The following SH3KBP1 variants were observed in gnomAD, a reference collection of about 807,000 sequenced individuals.
SH3KBP1 encodes SH3 domain containing kinase binding protein 1, also known as SH3 domain-containing kinase-binding protein 1.
A neutral mutation model predicts 50.1 loss-of-function variants in SH3KBP1; 8 were observed. The observed-to-expected ratio is 0.16, with a 90% CI of 0.09 to 0.29. SH3KBP1 has a LOEUF of 0.29. Ranked by LOEUF, SH3KBP1 falls within the 10% of genes least tolerant of loss-of-function variation. SH3KBP1 has a pLI of 1.00. For missense variants in SH3KBP1, 377 were observed against 535.2 expected (o/e 0.70, Z 2.92); for synonymous variants, 227 against 218.6 (o/e 1.04, Z -0.34).
intron 2 of SH3KBP1, among the ~76,000 whole-genome samples, chrX:19,825,323 C>T (rs2067642842): frequency 8.9e-6 from 1 of 111,870 alleles, no homozygotes; most frequent in African/African-American, 3.3e-5. Flanking sequence ...AAGTTAAATA[C>T]CATGATTCCA....
chrX:19,801,151 A>G (rs192224933), intron 2 of SH3KBP1, among the ~76,000 whole-genome samples: 2 of 112,099 alleles, frequency 1.8e-5, no homozygotes, highest in Non-Finnish European at 3.8e-5. Context: ...ACTGCAAGAA[A>G]TAACTCCTCC....
chrX:19,641,097 G>C (rs1413429894), intron 7 of SH3KBP1, among the ~76,000 whole-genome samples: 1 of 111,732 alleles, frequency 8.9e-6, no homozygotes, highest in Non-Finnish European at 1.9e-5. Flanking sequence ...TGCTTTGTTT[G>C]TGCGTTTTGT....
At chrX:19,719,965 C>T (rs1007226238) in intron 3 of SH3KBP1, among the ~76,000 whole-genome samples, 1 of 109,707 alleles carries the variant, frequency 9.1e-6, no homozygotes, top group Admixed American at 9.8e-5. Flanking sequence ...GCAACCCCTG[C>T]GTGGCTCTCT....
At chrX:19,712,992 G>A (rs1029692033) in intron 3 of SH3KBP1, among the ~76,000 whole-genome samples, 1 of 111,343 alleles carries the variant, frequency 9.0e-6, no homozygotes, top group South Asian at 3.8e-4. Context: ...GGGAGGCTGA[G>A]GCAGGAGGAT....
At chrX:19,845,175 T>C (rs750417241) in intron 1 of SH3KBP1, among the ~76,000 whole-genome samples, 2 of 109,416 alleles carry the variant, frequency 1.8e-5, no homozygotes, top group African/African-American at 3.3e-5. Flanking sequence ...AGTGGGCAGG[T>C]GACTTTGCAG....
chrX:19,584,951 C>G (rs956556313), intron 12 of SH3KBP1, among the ~76,000 whole-genome samples: 2 of 111,906 alleles, frequency 1.8e-5, no homozygotes, highest in African/African-American at 6.5e-5. Flanking sequence ...TGGGTTCACA[C>G]AGAACACAAT....
At chrX:19,721,490 G>C (rs1443136559) in intron 3 of SH3KBP1, among the ~76,000 whole-genome samples, 1 of 111,963 alleles carries the variant, frequency 8.9e-6, no homozygotes, top group African/African-American at 3.3e-5. Flanking sequence ...CCCACTGCTG[G>C]ATGTTGCTAT....
At chrX:19,537,907 CATT>C (rs1236552003) in intron 16 of SH3KBP1, 127 bp from the exon 17 acceptor site, 5 of 569,420 alleles carry the variant, frequency 8.8e-6, no homozygotes, top group Non-Finnish European at 1.5e-5. Flanking sequence ...GACAACACAT[CATT>C]ATTTTCTTTG....
At chrX:19,636,079 A>G (rs1451438824) in intron 7 of SH3KBP1, among the ~76,000 whole-genome samples, 1 of 110,581 alleles carries the variant, frequency 9.0e-6, no homozygotes, top group Non-Finnish European at 1.9e-5. Flanking sequence ...GGCATTTTCC[A>G]TCTATTCATC....
chrX:19,860,582 T>C (rs2068754959), intron 1 of SH3KBP1, among the ~76,000 whole-genome samples: 1 of 112,043 alleles, frequency 8.9e-6, no homozygotes, highest in Non-Finnish European at 1.9e-5. Flanking sequence ...TGCCACTGAA[T>C]TGTACACTTA....
At chrX:19,570,838 C>T (rs1419102074) in intron 12 of SH3KBP1, among the ~76,000 whole-genome samples, 1 of 111,533 alleles carries the variant, frequency 9.0e-6, no homozygotes, top group Non-Finnish European at 1.9e-5. Flanking sequence ...CGCCTGTGGT[C>T]CCAGCTACTT....
chrX:19,570,535 C>T (rs1362809358), intron 12 of SH3KBP1, among the ~76,000 whole-genome samples: 1 of 111,174 alleles, frequency 9.0e-6, no homozygotes, highest in Non-Finnish European at 1.9e-5. Context: ...GTCTGGGAGG[C>T]AATGAGGGGC....
At chrX:19,722,436 C>A (rs2148726879) in intron 3 of SH3KBP1, among the ~76,000 whole-genome samples, 1 of 111,339 alleles carries the variant, frequency 9.0e-6, no homozygotes, top group African/African-American at 3.3e-5. Context: ...TACAAGTTTC[C>A]CCCTATCCTT....
chrX:19,679,447 C>G (rs1225530137), intron 6 of SH3KBP1, among the ~76,000 whole-genome samples: 1 of 111,879 alleles, frequency 8.9e-6, no homozygotes, highest in African/African-American at 3.3e-5. Context: ...CAGCTGAGGC[C>G]AACTTCATCG....
At chrX:19,816,558 A>G (rs1235752125) in intron 2 of SH3KBP1, among the ~76,000 whole-genome samples, 1 of 111,936 alleles carries the variant, frequency 8.9e-6, no homozygotes, top group Non-Finnish European at 1.9e-5. Context: ...TTGTAATCCC[A>G]GTACTTTGGG....
rs1320881811 is a variant in SH3KBP1 at position 19,835,754 on chromosome X, T to C, written c.162+371A>G. 6.7e-5 allele frequency among the ~76,000 whole-genome samples: 7 copies of C among 105,128 alleles called. No individual in the cohort carries two copies. The Admixed American group carries it at 7.2e-4, about 11-fold the overall frequency. The allele number at this position is 105,128 out of a possible 115,157, so 91.3% of individuals were successfully genotyped here. ...CCACCACACCTGGCTAATTTTTGTA[T>C]TTTTTTTTTAGTAGAGATGGGGTTT... On this transcript the variant is annotated intron_variant, in intron 2 of 17. Coordinates refer to ENST00000397821, the MANE Select transcript of SH3KBP1 (RefSeq NM_031892.3).
intron 6 of SH3KBP1, among the ~76,000 whole-genome samples, chrX:19,650,542 TG>T (rs200648032): frequency 0.14 from 15,716 of 110,912 alleles, 896 homozygotes; most frequent in African/African-American, 0.16. Context: ...CCCCAACACA[TG>T]GGGATTACAA....
At chrX:19,557,843 G>A (rs1239294425) in intron 13 of SH3KBP1, among the ~76,000 whole-genome samples, 1 of 111,944 alleles carries the variant, frequency 8.9e-6, no homozygotes, top group African/African-American at 3.3e-5. Context: ...AGGGAGACAG[G>A]CTTTTGTATG....
intron 5 of SH3KBP1, among the ~76,000 whole-genome samples, chrX:19,688,307 A>C (rs1189635654): frequency 9.0e-6 from 1 of 111,684 alleles, no homozygotes. Flanking sequence ...TTTGAAACCA[A>C]CAGTGGCATC....
Sources: allele counts gnomAD v4.1 joint callset (sites outside exome capture counted in the v4.1 genomes callset), GRCh38; gene constraint gnomAD v4.1.1; transcripts MANE v1.5; gene names NCBI Gene and HGNC (gene_info 2026-07-23, HGNC 2026-07-21).